Variants in KCNU1 observed in about 807,000 individuals in gnomAD.
The protein encoded by KCNU1 is potassium channel subfamily U member 1.
Under a neutral mutation model 126.8 loss-of-function variants are expected in KCNU1, and 93 were observed. The ratio of observed to expected loss-of-function variants is 0.73; its 90% CI spans 0.62 to 0.87. The LOEUF is 0.87. KCNU1 is among the 40% of genes least tolerant of loss of function. The pLI, the probability that KCNU1 is intolerant of heterozygous loss-of-function variation, is 0.00. For synonymous variants in KCNU1, 523 were observed against 494.2 expected, an observed-to-expected ratio of 1.06 and a Z score of -0.77; for missense variants, 1,330 against 1,367.1, an observed-to-expected ratio of 0.97 and a Z score of 0.43.
At chr8:36,921,662 A>G (rs1212085969) in intron 23 of KCNU1, among the ~76,000 whole-genome samples, 3 of 135,410 alleles carry the variant, frequency 2.2e-5, no homozygotes, top group African/African-American at 5.7e-5. Flanking sequence ...AAGTGAGGAA[A>G]AAAAAAAAAA....
At chr8:36,804,198 C>G (rs146669844) in intron 3 of KCNU1, 110 bp downstream of exon 3, 4 of 719,126 alleles carry the variant, frequency 5.6e-6, no homozygotes, top group Non-Finnish European at 9.6e-6. Flanking sequence ...CACACATGCA[C>G]GCACACACAC....
At chr8:36,916,514 A>G (rs1357176661) in intron 22 of KCNU1, among the ~76,000 whole-genome samples, 2 of 152,072 alleles carry the variant, frequency 1.3e-5, no homozygotes, top group African/African-American at 4.8e-5. Flanking sequence ...CACATGAAAC[A>G]GATAAGGCAT....
chr8:36,833,780 C>T, intron 11 of KCNU1, 121 bp downstream of exon 11: 1 of 570,298 alleles, frequency 1.8e-6, no homozygotes, highest in South Asian at 2.4e-5. Flanking sequence ...GAAAATATAA[C>T]TTCCTCAACT....
At chr8:36,928,611 A>C (rs1274880425) in intron 24 of KCNU1, among the ~76,000 whole-genome samples, 2 of 152,180 alleles carry the variant, frequency 1.3e-5, no homozygotes, top group Admixed American at 6.6e-5. Flanking sequence ...TAATTCATAT[A>C]GATTATATTA....
intron 2 of KCNU1, among the ~76,000 whole-genome samples, chr8:36,788,021 A>C (rs1802776281): frequency 6.6e-6 from 1 of 151,982 alleles, no homozygotes; most frequent in Non-Finnish European, 1.5e-5. Context: ...TATTTTCAAA[A>C]AATGTTTAGT....
intron 18 of KCNU1, among the ~76,000 whole-genome samples, chr8:36,851,354 T>A (rs2117289751): frequency 6.6e-6 from 1 of 151,362 alleles, no homozygotes; most frequent in Non-Finnish European, 1.5e-5. Flanking sequence ...TTCTGATGGT[T>A]TAAAGTGTGG....
At chr8:36,913,978 C>T (rs1383475377) in intron 22 of KCNU1, among the ~76,000 whole-genome samples, 1 of 152,176 alleles carries the variant, frequency 6.6e-6, no homozygotes, top group African/African-American at 2.4e-5. Flanking sequence ...TCCCCAGTTA[C>T]TCTGGCATCA....
At chr8:36,879,964 G>A (rs1450046384) in intron 19 of KCNU1, among the ~76,000 whole-genome samples, 1 of 152,190 alleles carries the variant, frequency 6.6e-6, no homozygotes, top group East Asian at 1.9e-4. Flanking sequence ...TAAATGCTAA[G>A]CACTCCAGCG....
At chr8:36,805,739 TTCTAGA>T (rs2130417735) in intron 4 of KCNU1, among the ~76,000 whole-genome samples, 1 of 152,334 alleles carries the variant, frequency 6.6e-6, no homozygotes, top group African/African-American at 2.4e-5. Context: ...TTAAGACCTG[TTCTAGA>T]TCTAGATTTC....
intron 24 of KCNU1, among the ~76,000 whole-genome samples, chr8:36,930,346 G>A (rs897882052): frequency 6.6e-6 from 1 of 152,002 alleles, no homozygotes; most frequent in Admixed American, 6.6e-5. Flanking sequence ...GTTTCATTTG[G>A]ATGTCAAAGA....
At chr8:36,806,141 T>C (rs1803493198) in intron 4 of KCNU1, 128 bp from the exon 5 acceptor site, 1 of 595,018 alleles carries the variant, frequency 1.7e-6, no homozygotes, top group South Asian at 2.3e-5. Context: ...TGTGTCTGTG[T>C]ATATGTAAAA....
chr8:36,855,128 T>C (rs576350177), intron 18 of KCNU1, among the ~76,000 whole-genome samples: 2 of 152,254 alleles, frequency 1.3e-5, no homozygotes, highest in South Asian at 4.1e-4. Flanking sequence ...TTGGAACTTC[T>C]CAGGCCTTTC....
At chr8:36,900,612 T>C (rs1807378082) in intron 19 of KCNU1, among the ~76,000 whole-genome samples, 1 of 152,026 alleles carries the variant, frequency 6.6e-6, no homozygotes, top group Non-Finnish European at 1.5e-5. Flanking sequence ...TCATCAGAAT[T>C]GACAATAAGT....
intron 19 of KCNU1, among the ~76,000 whole-genome samples, chr8:36,879,215 A>G (rs866072528): frequency 0.017 from 2,301 of 137,124 alleles, 64 homozygotes; most frequent in African/African-American, 0.06. Context: ...GTGTGTGTAT[A>G]TATATATATA....
intron 18 of KCNU1, among the ~76,000 whole-genome samples, chr8:36,846,170 C>T (rs1008322156): frequency 3.9e-5 from 6 of 152,296 alleles, no homozygotes; most frequent in East Asian, 3.9e-4. Flanking sequence ...AGCCAGTTAG[C>T]GGCATCACCA....
chr8:36,927,012 A>G (rs1389224057), intron 24 of KCNU1, among the ~76,000 whole-genome samples: 1 of 152,044 alleles, frequency 6.6e-6, no homozygotes, highest in Non-Finnish European at 1.5e-5. Flanking sequence ...CTTCCTTCCC[A>G]TGTATACTCA....
chr8:36,933,882 A>G (rs1808776276), intron 26 of KCNU1, among the ~76,000 whole-genome samples: 1 of 152,152 alleles, frequency 6.6e-6, no homozygotes, highest in African/African-American at 2.4e-5. Context: ...CTCAGTGCAC[A>G]GTCATTGCTG....
intron 2 of KCNU1, among the ~76,000 whole-genome samples, chr8:36,792,030 A>G (rs548573640): frequency 6.6e-6 from 1 of 152,322 alleles, no homozygotes; most frequent in African/African-American, 2.4e-5. Context: ...CTATCTTCCT[A>G]GAAAATTTTT....
intron 10 of KCNU1, among the ~76,000 whole-genome samples, chr8:36,832,665 T>A (rs1238429922): frequency 6.6e-6 from 1 of 152,122 alleles, no homozygotes; most frequent in East Asian, 1.9e-4. Flanking sequence ...GCTAGGTTAT[T>A]TTTCAAAGAA....
Sources: gnomAD v4.1 joint callset for allele counts (sites outside exome capture counted in the v4.1 genomes callset) on GRCh38, gnomAD v4.1.1 for gene constraint, MANE v1.5 for transcripts, NCBI Gene and HGNC (gene_info 2026-07-23, HGNC 2026-07-21) for gene names.